The following CROT variants were observed in gnomAD, a reference collection of about 807,000 sequenced individuals.
CROT encodes the protein peroxisomal carnitine O-octanoyltransferase.
In CROT, 84 loss-of-function variants were observed where a neutral mutation model predicts 89.2. The observed-to-expected ratio is 0.94, with a 90% CI of 0.79 to 1.13. CROT has a LOEUF of 1.13. Among genes scored for constraint, CROT ranks in the 50% most tolerant of loss-of-function variants. The pLI is 0.00. For synonymous variants in CROT, 212 were observed against 239.5 expected (o/e 0.89, Z 1.06); for missense variants, 711 against 727.8 (o/e 0.98, Z 0.27).
intron 13 of CROT, among the ~76,000 whole-genome samples, chr7:87,391,033 G>C (rs1485719354): frequency 6.6e-6 from 1 of 152,148 alleles, no homozygotes; most frequent in East Asian, 1.9e-4. Context: ...CTCTCCTGAG[G>C]GTAGGTCCAC....
At chr7:87,382,639 C>A in intron 13 of CROT, 96 bp downstream of exon 13, 1 of 1,270,638 alleles carries the variant, frequency 7.9e-7, no homozygotes, top group South Asian at 1.5e-5. Context: ...TATTTTTGCT[C>A]ACTTTTTTCC....
intron 3 of CROT, 82 bp downstream of exon 3, chr7:87,349,265 G>A (rs1348066027): frequency 1.3e-5 from 8 of 631,260 alleles, no homozygotes; most frequent in South Asian, 5.9e-5. Flanking sequence ...AAGGGGTCTC[G>A]ATCCAGACTC....
intron 3 of CROT, among the ~76,000 whole-genome samples, chr7:87,356,344 TTTTG>T (rs1269844931): frequency 3.9e-5 from 6 of 152,218 alleles, no homozygotes; most frequent in East Asian, 1.9e-4. Flanking sequence ...TTATTTTTGT[TTTTG>T]TTTGTTTGTT....
At chr7:87,393,688 T>C (rs942601868) in intron 17 of CROT, among the ~76,000 whole-genome samples, 1 of 152,156 alleles carries the variant, frequency 6.6e-6, no homozygotes, top group Admixed American at 6.5e-5. Flanking sequence ...GTTGGCTTCA[T>C]AAAAATTACG....
In CROT at chr7:87,359,261, A is replaced by C; in HGVS notation, c.171A>C (p.Lys57Asn). The part of the protein sequence containing the change: ...EYKKTEEIVQ[K>N]FQSGIGEKLH... The stretch of plus-strand genomic sequence containing the variant: ...AGAAAACTGAAGAAATAGTTCAAAA[A>C]TTTCAAAGTGGGATTGGAGAAAAAT... The change falls in exon 4 of 18, where the codon AAA becomes AAC. Residue 57 changes from lysine to asparagine, a missense_variant. Lys to Asn is a moderately conservative substitution (Grantham distance 94). Coordinates refer to ENST00000331536, the MANE Select transcript of CROT (RefSeq NM_021151.4). 6.3e-7 allele frequency: 1 copy of C among 1,595,718 alleles called. No homozygotes were observed. The highest frequency in any genetic ancestry group is 8.6e-7 in the Non-Finnish European group (1 of 1,165,852).
intron 3 of CROT, among the ~76,000 whole-genome samples, chr7:87,358,535 CAGTT>C (rs1806173777): frequency 7.1e-6 from 1 of 140,748 alleles, no homozygotes. Context: ...ATAACGTAAA[CAGTT>C]GATTAACAGA....
chr7:87,356,309 G>A (rs540115873), intron 3 of CROT, among the ~76,000 whole-genome samples: 7 of 152,306 alleles, frequency 4.6e-5, no homozygotes, highest in Non-Finnish European at 2.9e-5. Context: ...GGGTAAAGTA[G>A]TCTTCATGAA....
At chr7:87,372,922 A>G (rs953163602) in intron 7 of CROT, among the ~76,000 whole-genome samples, 2 of 152,166 alleles carry the variant, frequency 1.3e-5, no homozygotes, top group African/African-American at 4.8e-5. Context: ...TAAATTATTC[A>G]TAATGCTGCC....
intron 3 of CROT, among the ~76,000 whole-genome samples, chr7:87,350,495 C>A (rs1805832038): frequency 6.6e-6 from 1 of 152,062 alleles, no homozygotes; most frequent in African/African-American, 2.4e-5. Flanking sequence ...ATAAAACCAC[C>A]AAGAAGCCTG....
rs1427840227 is a variant in CROT, at chr7:87,399,439, T to C, written c.*795T>C. The C allele has an allele frequency of 6.6e-6, 1 of 152,104 alleles. No individual in the cohort carries two copies. Among genetic ancestry groups the C allele is most frequent in the Admixed American group, 6.5e-5 (1 of 15,274 alleles). 9.4% of individuals were successfully genotyped at this position (152,104 alleles called of 1,614,324 possible). The stretch of plus-strand genomic sequence containing the variant: ...TGCAGTGAGCTGTGATGTGCCCTTA[T>C]GCTATAGCCTGGGCAAGAGCGTGAG... On this transcript the variant is annotated 3_prime_UTR_variant, in exon 18 of 18. Transcript: ENST00000331536.
In CROT at chr7:87,371,957, G is replaced by A. The variant is rs181999083; in HGVS notation, c.656+2473G>A. 8.0e-4 allele frequency among the ~76,000 whole-genome samples: 115 copies of A among 143,326 alleles called. 1 individual carries two copies. The Admixed American group carries it at 8.2e-3, about 10-fold the overall frequency. The allele number at this position is 143,326 out of a possible 152,430, so 94.0% of individuals were successfully genotyped here. A position where few individuals can be genotyped will look rare whatever the true frequency, so the allele number is the denominator to read the frequency against. On this transcript the variant is annotated intron_variant, in intron 7 of 17. Transcript: ENST00000331536. Reference sequence around the variant, plus strand: ...TGCAGTGAGCTGTGATTACGCCACTGCACTCCAGCCTGGGTGACAGAGCAA... The same window carrying A: ...TGCAGTGAGCTGTGATTACGCCACTACACTCCAGCCTGGGTGACAGAGCAA...
At chr7:87,391,078 G>T (rs1807342656) in intron 13 of CROT, among the ~76,000 whole-genome samples, 1 of 152,212 alleles carries the variant, frequency 6.6e-6, no homozygotes, top group Admixed American at 6.5e-5. Context: ...GTAGCATTCA[G>T]TTCCTCCCTA....
chr7:87,357,158 A>G (rs1584622361), intron 3 of CROT, among the ~76,000 whole-genome samples: 1 of 152,214 alleles, frequency 6.6e-6, no homozygotes, highest in African/African-American at 2.4e-5. Flanking sequence ...TGGGCTGGCC[A>G]TAGGGGCCAC....
chr7:87,361,664 C>T (rs1241200904), intron 5 of CROT, 64 bp from the exon 6 acceptor site: 2 of 1,536,304 alleles, frequency 1.3e-6, no homozygotes, highest in Non-Finnish European at 1.7e-6. Context: ...GGGATGAACA[C>T]TTCAGTTGTG....
chr7:87,392,565 G>A lies in CROT; in HGVS notation c.1426-1G>A. ...GAAGTGTCTCTCGATTTTTAATACA[G>A]CTTCGTGAGCGGCAGCAAAAGATGT... On this transcript the variant is annotated splice_acceptor_variant, in intron 14 of 17. Transcript: ENST00000331536. LOFTEE classifies it high-confidence loss of function. 1.2e-6 allele frequency: 2 copies of A among 1,612,352 alleles called. No homozygotes were observed. Among genetic ancestry groups the A allele is most frequent in the Non-Finnish European group, 1.7e-6 (2 of 1,178,746 alleles).
chr7:87,375,953 G>C lies in CROT; in HGVS notation c.876G>C (p.Glu292Asp), dbSNP rs139460030. 208 of 1,560,858 alleles carry C rather than the reference G, an allele frequency of 1.3e-4. No individual in the cohort carries two copies. The highest frequency in any genetic ancestry group is 2.1e-5 in the Non-Finnish European group (24 of 1,159,782). The change falls in exon 9 of 18, where the codon GAG becomes GAC. Residue 292 changes from glutamate (E) to aspartate (D), a missense_variant and splice_region_variant. Physicochemically the swap from Glu to Asp is conservative, Grantham distance 45. Transcript: ENST00000331536. ...ATGTAACACCAGAGGATTATTCTGAGGTACTTAACTACCTTCTCTTTTTTT... is the reference window on the plus strand; with the variant it reads ...ATGTAACACCAGAGGATTATTCTGACGTACTTAACTACCTTCTCTTTTTTT... Reference protein sequence around the residue: ...SPHVTPEDYSEIIAAILIGDP... With the variant: ...SPHVTPEDYSDIIAAILIGDP...
Position 87,355,395 on chromosome 7 carries a change from C to T in CROT, c.116-3811C>T, listed in dbSNP as rs575385553. Among the ~76,000 whole-genome samples, 11 of 152,194 alleles carry T rather than the reference C, an allele frequency of 7.2e-5. No homozygotes were observed. In the South Asian group the frequency reaches 1.0e-3, roughly 14 times the overall value. On this transcript the variant is annotated intron_variant, in intron 3 of 17. Coordinates refer to ENST00000331536, the MANE Select transcript of CROT (RefSeq NM_021151.4). ...TGTTACAGACATGAGCCACTGGGCC[C>T]GGCCAAAAGTACATTTTTATATTCA...
chr7:87,377,389 G>T lies in CROT; in HGVS notation c.917G>T (p.Trp306Leu), dbSNP rs868461680. The T allele has an allele frequency of 1.2e-6, 2 of 1,611,584 alleles. No individual in the cohort carries two copies. Among genetic ancestry groups the T allele is most frequent in the Non-Finnish European group, 1.7e-6 (2 of 1,178,250 alleles). Residue 306 changes from tryptophan to leucine, a missense_variant, in exon 10 of 18, where the codon TGG becomes TTG. Transcript: ENST00000331536. ...CTTATTGGAGATCCAACAGTACGCT[G>T]GGGTGACAAATCCTATAACTTGATT... is the stretch of plus-strand genomic sequence containing the variant. The part of the protein sequence containing the change: ...AILIGDPTVR[W>L]GDKSYNLISF...
At chr7:87,366,141 C>G (rs1806439468) in intron 6 of CROT, among the ~76,000 whole-genome samples, 1 of 152,158 alleles carries the variant, frequency 6.6e-6, no homozygotes. Flanking sequence ...AGCTCACGAT[C>G]AGCAAAATCC....
Sources: gnomAD v4.1 joint callset for allele counts (sites outside exome capture counted in the v4.1 genomes callset) on GRCh38, gnomAD v4.1.1 for gene constraint, MANE v1.5 for transcripts, NCBI Gene and HGNC (gene_info 2026-07-23, HGNC 2026-07-21) for gene names.